Variants in CAMK2D observed in about 807,000 individuals in gnomAD.
CAMK2D encodes calcium/calmodulin-dependent protein kinase type II subunit delta.
Under a neutral mutation model 84.0 loss-of-function variants are expected in CAMK2D, and 37 were observed. The observed-to-expected ratio is 0.44, with a 90% confidence interval of 0.34 to 0.58. The LOEUF is 0.58. Ranked by LOEUF, CAMK2D falls within the 20% of genes least tolerant of loss-of-function variation. The pLI, the probability that CAMK2D is intolerant of heterozygous loss-of-function variation, is 0.02. For missense variants in CAMK2D, 448 were observed against 652.5 expected (o/e 0.69, Z 3.41); for synonymous variants, 202 against 212.5 (o/e 0.95, Z 0.43).
intron 4 of CAMK2D, among the ~76,000 whole-genome samples, chr4:113,585,394 A>AACAT (rs1157080260): frequency 2.2e-4 from 34 of 152,146 alleles, no homozygotes; most frequent in Admixed American, 3.9e-4. Flanking sequence ...CACGGACACA[A>AACAT]ACATACATAC....
At chr4:113,639,976 G>T (rs1298211975) in intron 3 of CAMK2D, among the ~76,000 whole-genome samples, 1 of 152,054 alleles carries the variant, frequency 6.6e-6, no homozygotes, top group Non-Finnish European at 1.5e-5. Context: ...TGGGTTAGGG[G>T]GAGGGGATAG....
chr4:113,494,797 G>A lies in CAMK2D; in HGVS notation c.1135+5666C>T, dbSNP rs59956103. Among the ~76,000 whole-genome samples the A allele has an allele frequency of 3.9e-3, 594 of 152,310 alleles. 4 individuals are homozygous for A. Among genetic ancestry groups the A allele is most frequent in the African/African-American group, 0.013 (550 of 41,570 alleles). On this transcript the variant is annotated intron_variant, in intron 16 of 20. Coordinates refer to ENST00000511664, the MANE Select transcript of CAMK2D (RefSeq NM_001321571.2). ...CTGTGCTAGCAATCAGGGAGACTCCGTGGGCGTAGGACCCTCCGAGCCAGG... is the reference window on the plus strand; with the variant it reads ...CTGTGCTAGCAATCAGGGAGACTCCATGGGCGTAGGACCCTCCGAGCCAGG...
intron 12 of CAMK2D, among the ~76,000 whole-genome samples, chr4:113,512,850 C>T (rs549717359): frequency 3.3e-5 from 5 of 152,194 alleles, no homozygotes; most frequent in Admixed American, 6.5e-5. Context: ...GGATTACAGG[C>T]GTGAGCCACC....
At chr4:113,643,603 A>G in intron 3 of CAMK2D, among the ~76,000 whole-genome samples, 1 of 152,260 alleles carries the variant, frequency 6.6e-6, no homozygotes, top group Non-Finnish European at 1.5e-5. Context: ...CTATTTTGGC[A>G]GCTCACAGTC....
In CAMK2D at chr4:113,547,724, C is replaced by G; in HGVS notation, c.342-8G>C. The G allele has an allele frequency of 6.5e-7, 1 of 1,538,586 alleles. No individual in the cohort carries two copies. Among genetic ancestry groups the G allele is most frequent in the Non-Finnish European group, 8.7e-7 (1 of 1,145,136 alleles). ...ATCTGCTGAATGCAATGACTGCATG[C>G]AAACACCAGGGGGCGTGTGTTAGTT... On this transcript the variant is annotated splice_region_variant and splice_polypyrimidine_tract_variant and intron_variant, in intron 5 of 20. Transcript: ENST00000511664.
intron 16 of CAMK2D, among the ~76,000 whole-genome samples, chr4:113,467,302 G>A (rs955030865): frequency 6.6e-6 from 1 of 152,098 alleles, no homozygotes; most frequent in Non-Finnish European, 1.5e-5. Flanking sequence ...TTATGAATCT[G>A]ATCTTCATCA....
intron 7 of CAMK2D, among the ~76,000 whole-genome samples, chr4:113,535,846 A>G (rs1314582220): frequency 4.6e-5 from 7 of 152,132 alleles, no homozygotes; most frequent in Admixed American, 3.9e-4. Context: ...ATACATTCCT[A>G]TGTTAAGATA....
intron 2 of CAMK2D, among the ~76,000 whole-genome samples, chr4:113,736,522 G>A (rs1316414618): frequency 3.3e-5 from 5 of 152,030 alleles, no homozygotes; most frequent in African/African-American, 7.2e-5. Flanking sequence ...AGGAAGAAGC[G>A]GATAATGCAA....
At chr4:113,750,929 A>C (rs1053466176) in intron 2 of CAMK2D, among the ~76,000 whole-genome samples, 2 of 152,230 alleles carry the variant, frequency 1.3e-5, no homozygotes, top group Non-Finnish European at 2.9e-5. Flanking sequence ...CTGAGGCAGG[A>C]GGATCACTTG....
chr4:113,465,535 G>A lies in CAMK2D; in HGVS notation c.1205C>T (p.Ala402Val), dbSNP rs142412040. The change falls in exon 17 of 21, where the codon GCC becomes GTC. Residue 402 changes from alanine to valine, a missense_variant. By Grantham distance (64) the Ala-to-Val change is moderately conservative. This residue lies in a region of CAMK2D where 219 missense variants were observed against 272.1 expected (regional missense o/e 0.80). Transcript: ENST00000511664. ...IEAINNGDFE[A>V]YTKICDPGLT... Reference sequence around the variant, plus strand: ...GTAAACGTCCGCTACTCACGTGTAGGCTTCAAAGTCCCCATTGTTGATAGC... The same window carrying A: ...GTAAACGTCCGCTACTCACGTGTAGACTTCAAAGTCCCCATTGTTGATAGC... 1 of 1,604,472 alleles carries A rather than the reference G, an allele frequency of 6.2e-7. No individual in the cohort carries two copies. Among genetic ancestry groups the A allele is most frequent in the South Asian group, 1.1e-5 (1 of 90,634 alleles).
chr4:113,761,284 C>T lies in CAMK2D; in HGVS notation c.-216G>A. ...CGTGGGGTCTCCTCCCCACAGTCCG[C>T]CGATCCTCCTCCTCCTGCGGGCCTC... On this transcript the variant is annotated 5_prime_UTR_variant, in exon 1 of 21. Coordinates refer to ENST00000511664, the MANE Select transcript of CAMK2D (RefSeq NM_001321571.2). The T allele has an allele frequency of 7.0e-7, 1 of 1,430,718 alleles. No homozygotes were observed. The highest frequency in any genetic ancestry group is 9.1e-7 in the Non-Finnish European group (1 of 1,096,210). 88.6% of individuals were successfully genotyped at this position (1,430,718 alleles called of 1,614,324 possible).
chr4:113,471,890 T>A (rs1209208994), intron 16 of CAMK2D, among the ~76,000 whole-genome samples: 1 of 151,800 alleles, frequency 6.6e-6, no homozygotes, highest in East Asian at 1.9e-4. Context: ...TCCTGCTTTA[T>A]CTCTTGACAC....
At chr4:113,555,712 G>GAACAAT (rs1282732847) in intron 4 of CAMK2D, among the ~76,000 whole-genome samples, 3 of 152,206 alleles carry the variant, frequency 2.0e-5, no homozygotes, top group South Asian at 4.2e-4. Flanking sequence ...TCCACTTGTT[G>GAACAAT]AACAATAACA....
chr4:113,495,427 C>G (rs186240635), intron 16 of CAMK2D, among the ~76,000 whole-genome samples: 5 of 152,148 alleles, frequency 3.3e-5, no homozygotes, highest in African/African-American at 1.2e-4. Context: ...ATGAGATCAT[C>G]TGCCTTAGGA....
chr4:113,541,649 C>T (rs900715286), intron 6 of CAMK2D, among the ~76,000 whole-genome samples: 10 of 151,628 alleles, frequency 6.6e-5, no homozygotes, highest in African/African-American at 2.4e-4. Flanking sequence ...TTTTATTATC[C>T]CATATTATTT....
chr4:113,736,457 G>A (rs1448351631), intron 2 of CAMK2D, among the ~76,000 whole-genome samples: 2 of 152,222 alleles, frequency 1.3e-5, no homozygotes, highest in South Asian at 4.1e-4. Flanking sequence ...GCTGGATTTT[G>A]TCAAAGTTTG....
At chr4:113,679,516 A>G (rs983233278) in intron 2 of CAMK2D, 2 of 828,910 alleles carry the variant, frequency 2.4e-6, no homozygotes, top group African/African-American at 1.8e-5. Context: ...AAAATCAATA[A>G]TAACATGTAA....
intron 3 of CAMK2D, among the ~76,000 whole-genome samples, chr4:113,654,391 C>T (rs1014416936): frequency 6.6e-6 from 1 of 151,966 alleles, no homozygotes; most frequent in African/African-American, 2.4e-5. Flanking sequence ...ATATGTGAAA[C>T]AATAAATCAT....
At chr4:113,456,615 TTA>T (rs2097307041) in intron 19 of CAMK2D, 1 of 152,242 alleles carries the variant, frequency 6.6e-6, no homozygotes, top group Admixed American at 6.5e-5. Context: ...TTCCAAACTG[TTA>T]TAAACAGTTT....
Sources: allele counts gnomAD v4.1 joint callset (sites outside exome capture counted in the v4.1 genomes callset), GRCh38; gene constraint gnomAD v4.1.1; regional missense constraint gnomAD v4.1.1; transcripts MANE v1.5; gene names NCBI Gene and HGNC (gene_info 2026-07-23, HGNC 2026-07-21).